SNRPN: variants seen among roughly 807,000 people sequenced by gnomAD.
The protein encoded by SNRPN is small nuclear ribonucleoprotein-associated protein N.
A neutral mutation model predicts 25.2 loss-of-function variants in SNRPN; 7 were observed. The observed-to-expected ratio is 0.28, with a 90% CI of 0.16 to 0.52. The LOEUF (loss-of-function observed/expected upper bound fraction) is 0.52, where lower values mean the gene tolerates loss of function less well. SNRPN is among the 20% of genes least tolerant of loss of function. The probability of loss-of-function intolerance (pLI) is 0.96; values close to 1 mark genes in which losing one functional copy is unlikely to be tolerated. For synonymous variants in SNRPN, 124 were observed against 110.6 expected (o/e 1.12, Z -0.76); for missense variants, 196 against 322.5 (o/e 0.61, Z 3.00).
chr15:24,928,506 C>CATTTT (rs2060569593), intron 3 of SNRPN, among the ~76,000 whole-genome samples: 1 of 151,828 alleles, frequency 6.6e-6, no homozygotes, highest in Admixed American at 6.6e-5. Flanking sequence ...AAAAGTTGAC[C>CATTTT]TCATAGAAGT....
chr15:24,866,901 AT>A (rs58199549), intron 1 of SNRPN, among the ~76,000 whole-genome samples: 49,513 of 151,956 alleles, frequency 0.33, 9,289 homozygotes, highest in African/African-American at 0.49. Flanking sequence ...TCCATTGGGG[AT>A]TATATATATA....
chr15:24,900,429 A>G (rs1320820116), intron 2 of SNRPN, among the ~76,000 whole-genome samples: 1 of 152,222 alleles, frequency 6.6e-6, no homozygotes, highest in East Asian at 1.9e-4. Context: ...GGAAACAGAA[A>G]GTCAGGCTGA....
intron 3 of SNRPN, among the ~76,000 whole-genome samples, chr15:24,922,088 C>T (rs1234906175): frequency 6.6e-6 from 1 of 151,320 alleles, no homozygotes; most frequent in Non-Finnish European, 1.5e-5. Context: ...TGGCGGGCTC[C>T]TGTAATCCCA....
intron 2 of SNRPN, chr15:24,849,525 T>G (rs1438375263): frequency 6.6e-6 from 1 of 152,258 alleles, no homozygotes; most frequent in Non-Finnish European, 1.5e-5. Flanking sequence ...AGTATATGTT[T>G]CCTGTGAGAT....
intron 3 of SNRPN, among the ~76,000 whole-genome samples, chr15:24,934,939 T>G (rs2061127202): frequency 1.3e-5 from 2 of 152,156 alleles, no homozygotes; most frequent in African/African-American, 4.8e-5. Context: ...GTTAGCAAGA[T>G]AAAAGTGCTT....
At chr15:24,936,059 A>G (rs894963134) in intron 3 of SNRPN, among the ~76,000 whole-genome samples, 10 of 151,998 alleles carry the variant, frequency 6.6e-5, no homozygotes, top group African/African-American at 1.2e-4. Flanking sequence ...AGGTTGTGGT[A>G]AGCCGAGATC....
chr15:24,890,666 G>A (rs1033420539), intron 2 of SNRPN, among the ~76,000 whole-genome samples: 3 of 152,024 alleles, frequency 2.0e-5, no homozygotes, highest in Admixed American at 1.3e-4. Context: ...GCAACAGAGC[G>A]AGACTCTGTC....
chr15:24,894,498 C>T (rs1450641982), intron 2 of SNRPN, among the ~76,000 whole-genome samples: 2 of 152,170 alleles, frequency 1.3e-5, no homozygotes, highest in African/African-American at 2.4e-5. Flanking sequence ...GGATTACAGG[C>T]GTGAGCCACC....
At chr15:24,846,045 A>G (rs1048974011) in intron 2 of SNRPN, among the ~76,000 whole-genome samples, 44 of 152,062 alleles carry the variant, frequency 2.9e-4, no homozygotes, top group African/African-American at 1.0e-3. Context: ...AGATCGTGCC[A>G]CTGCACTCCA....
At chr15:24,942,188 G>C (rs2061596460) in intron 3 of SNRPN, 2 of 152,166 alleles carry the variant, frequency 1.3e-5, no homozygotes, top group South Asian at 4.2e-4. Flanking sequence ...TGAGATCATG[G>C]GGACAGGAAA....
intron 2 of SNRPN, among the ~76,000 whole-genome samples, chr15:24,965,008 A>AT (rs1304852026): frequency 7.9e-5 from 12 of 152,128 alleles, no homozygotes; most frequent in African/African-American, 2.7e-4. Flanking sequence ...AAATAGTATA[A>AT]TTTTTCCCCC....
At chr15:24,853,003 G>A (rs1336664852), upstream of SNRPN, among the ~76,000 whole-genome samples, 1 of 152,022 alleles carries the variant, frequency 6.6e-6, no homozygotes, top group Non-Finnish European at 1.5e-5. Context: ...TGACAAATAG[G>A]GAATTCCAAA....
intron 1 of SNRPN, among the ~76,000 whole-genome samples, chr15:24,869,067 C>T (rs980890186): frequency 6.6e-6 from 1 of 152,064 alleles, no homozygotes; most frequent in Non-Finnish European, 1.5e-5. Context: ...ATGTCTTGAG[C>T]CCGGGAGGTC....
chr15:24,828,507 A>T (rs1036743037), intron 1 of SNRPN, among the ~76,000 whole-genome samples: 1 of 152,116 alleles, frequency 6.6e-6, no homozygotes, highest in Non-Finnish European at 1.5e-5. Context: ...AGATCGCGCC[A>T]CTGCACTCCA....
chr15:24,922,365 A>G (rs1566915106), intron 3 of SNRPN, among the ~76,000 whole-genome samples: 1 of 152,226 alleles, frequency 6.6e-6, no homozygotes, highest in Non-Finnish European at 1.5e-5. Context: ...TTTCAGGTCT[A>G]CTACCTTGAA....
chr15:24,934,740 A>G (rs2061116823), intron 3 of SNRPN, among the ~76,000 whole-genome samples: 1 of 152,088 alleles, frequency 6.6e-6, no homozygotes, highest in African/African-American at 2.4e-5. Flanking sequence ...TATTTTTGGT[A>G]GAGACGGGGT....
At chr15:24,919,691 T>C (rs1436429784) in intron 2 of SNRPN, among the ~76,000 whole-genome samples, 1 of 152,060 alleles carries the variant, frequency 6.6e-6, no homozygotes, top group Admixed American at 6.6e-5. Flanking sequence ...CAAACATCAC[T>C]TGGGGGATGG....
intron 2 of SNRPN, among the ~76,000 whole-genome samples, chr15:24,830,341 G>A (rs547502680): frequency 6.6e-6 from 1 of 152,154 alleles, no homozygotes; most frequent in South Asian, 2.1e-4. Flanking sequence ...TGTTGGGACT[G>A]TTATGCTATC....
chr15:24,939,440 A>G (rs575953883), intron 3 of SNRPN, among the ~76,000 whole-genome samples: 126 of 152,068 alleles, frequency 8.3e-4, no homozygotes, highest in African/African-American at 2.9e-3. Flanking sequence ...ATATGTATGT[A>G]TTTATTTATT....
Sources: gnomAD v4.1 joint callset for allele counts (sites outside exome capture counted in the v4.1 genomes callset) on GRCh38, gnomAD v4.1.1 for gene constraint, MANE v1.5 for transcripts, NCBI Gene and HGNC (gene_info 2026-07-23, HGNC 2026-07-21) for gene names.